The following FAT1 variants were observed in gnomAD, a reference collection of about 807,000 sequenced individuals.
The protein encoded by FAT1 is FAT atypical cadherin 1.
A neutral mutation model predicts 329.8 loss-of-function variants in FAT1; 171 were observed. The observed-to-expected ratio is 0.52, with a 90% CI of 0.46 to 0.59. The LOEUF is 0.59. FAT1 is among the 20% of genes least tolerant of loss of function. The probability of loss-of-function intolerance (pLI) is 0.00; values close to 1 mark genes in which losing one functional copy is unlikely to be tolerated. For missense variants in FAT1, 5,672 were observed against 5,774.4 expected (o/e 0.98, Z 0.57); for synonymous variants, 2,233 against 2,228.6 (o/e 1.00, Z -0.06).
intron 2 of FAT1, among the ~76,000 whole-genome samples, chr4:186,679,109 G>A (rs558433276): frequency 2.0e-5 from 3 of 152,198 alleles, no homozygotes; most frequent in Admixed American, 1.3e-4. Flanking sequence ...GGCTGGGCAC[G>A]GTGGCTCACG....
intron 2 of FAT1, among the ~76,000 whole-genome samples, chr4:186,706,189 C>A (rs1579481490): frequency 6.6e-6 from 1 of 152,154 alleles, no homozygotes; most frequent in East Asian, 1.9e-4. Context: ...TATGAGCCTG[C>A]AAATACACTG....
In FAT1 at chr4:186,609,911, T is replaced by C. The variant is rs762163269; in HGVS notation, c.9958A>G (p.Thr3320Ala). The C allele has an allele frequency of 1.9e-6, 3 of 1,612,982 alleles. No homozygotes were observed. In the Admixed American group the frequency reaches 5.0e-5, roughly 27 times the overall value. ...ATATCTGTTACATTAACGTTCACAG[T>C]GGCAACGTCGCTCAGTGAAGGCGTG... ...GGTPSLSDVA[T>A]VNVNVTDIND... Residue 3320 changes from threonine (T) to alanine (A), a missense_variant, in exon 15 of 27, where the codon ACT becomes GCT. By Grantham distance (58) the Thr-to-Ala change is moderately conservative. Transcript: ENST00000441802.
chr4:186,627,096 G>T (rs1740347112), intron 9 of FAT1, among the ~76,000 whole-genome samples: 1 of 124,338 alleles, frequency 8.0e-6, no homozygotes, highest in Non-Finnish European at 1.6e-5. Context: ...ATGAATGAAT[G>T]AATGAATGAA....
chr4:186,695,760 A>AACACACACACACACAC (rs34932295), intron 2 of FAT1, among the ~76,000 whole-genome samples: 8 of 141,234 alleles, frequency 5.7e-5, no homozygotes, highest in Admixed American at 1.4e-4. Flanking sequence ...TTATATATAA[A>AACACACACACACACAC]ACACACACAC....
chr4:186,647,508 T>C (rs1741435879), intron 3 of FAT1, among the ~76,000 whole-genome samples: 2 of 152,188 alleles, frequency 1.3e-5, no homozygotes. Context: ...GTATAATGAT[T>C]ATACAACAAA....
At chr4:186,624,907 TG>T (rs1236706400) in intron 9 of FAT1, among the ~76,000 whole-genome samples, 1 of 152,248 alleles carries the variant, frequency 6.6e-6, no homozygotes, top group Non-Finnish European at 1.5e-5. Flanking sequence ...TTAATGGTAG[TG>T]GTCTCCTACA....
chr4:186,588,548 C>T lies in FAT1; in HGVS notation c.*44G>A, dbSNP rs1214929612. ...AGAACAGCGCGGATTACTCACATCA[C>T]CTCTAGGTTCACTAAAGTCAGGCAC... is the stretch of plus-strand genomic sequence containing the variant. On this transcript the variant is annotated 3_prime_UTR_variant, in exon 27 of 27. Transcript: ENST00000441802. 1.3e-5 allele frequency: 21 copies of T among 1,577,106 alleles called. No homozygotes were observed. The highest frequency in any genetic ancestry group is 2.2e-4 in the Middle Eastern group (1 of 4,458).
At position 186,708,731 on chromosome 4, in the gene FAT1, T is replaced by C. The variant is rs373642708; in HGVS notation, c.1097A>G (p.Lys366Arg). The C allele has an allele frequency of 3.1e-5, 50 of 1,613,990 alleles. No homozygotes were observed. Among genetic ancestry groups the C allele is most frequent in the Non-Finnish European group, 4.2e-5 (49 of 1,179,886 alleles). Residue 366 changes from lysine to arginine, a missense_variant, in exon 2 of 27, where the codon AAG (lysine) becomes AGG (arginine). By Grantham distance (26) the Lys-to-Arg change is conservative. This residue lies in a region of FAT1 where 3,966 missense variants were observed against 3,915.2 expected (regional missense o/e 1.01). Transcript: ENST00000441802. ...TGCTCTGTAAACATCCTTTTCAAAC[T>C]TGACTGGCCCGGCTTTGAACTGTGG... is the stretch of plus-strand genomic sequence containing the variant. ...TSPQFKAGPV[K>R]FEKDVYRAEI...
intron 3 of FAT1, among the ~76,000 whole-genome samples, chr4:186,651,194 A>G (rs945836281): frequency 6.6e-6 from 1 of 150,584 alleles, no homozygotes; most frequent in Non-Finnish European, 1.5e-5. Context: ...CATGAGCTAC[A>G]GAAATAACAG....
intron 3 of FAT1, among the ~76,000 whole-genome samples, chr4:186,653,921 G>A (rs1741783168): frequency 1.3e-5 from 2 of 152,126 alleles, no homozygotes; most frequent in Admixed American, 1.3e-4. Context: ...TAAAAATCTA[G>A]TGTTACTTAA....
chr4:186,614,622 T>A (rs1390237920), intron 11 of FAT1, among the ~76,000 whole-genome samples: 2 of 152,222 alleles, frequency 1.3e-5, no homozygotes, highest in Non-Finnish European at 2.9e-5. Context: ...ATTAAGCTGA[T>A]TTCATATTCA....
intron 25 of FAT1, 52 bp from the exon 26 acceptor site, chr4:186,595,878 C>T (rs1738484598): frequency 6.2e-7 from 1 of 1,600,146 alleles, no homozygotes; most frequent in Non-Finnish European, 8.5e-7. Flanking sequence ...CGGTTTTGTT[C>T]ACCGCTGAAT....
chr4:186,605,216 GA>G (rs34790170), intron 17 of FAT1, among the ~76,000 whole-genome samples: 25,343 of 67,430 alleles, frequency 0.38, 3,301 homozygotes, highest in Admixed American at 0.45. Flanking sequence ...CTCCATCTCA[GA>G]AAAAAAAAAA....
At chr4:186,607,881 T>C (rs76897170) in intron 16 of FAT1, among the ~76,000 whole-genome samples, 1,804 of 152,284 alleles carry the variant, frequency 0.012, 35 homozygotes, top group African/African-American at 0.042. Flanking sequence ...CTCATGTCAC[T>C]TCTATCAACA....
intron 3 of FAT1, among the ~76,000 whole-genome samples, chr4:186,662,376 A>G (rs1314887822): frequency 6.6e-6 from 1 of 152,226 alleles, no homozygotes; most frequent in Non-Finnish European, 1.5e-5. Flanking sequence ...AACAAAGATT[A>G]GAAGTTTATA....
intron 3 of FAT1, among the ~76,000 whole-genome samples, chr4:186,641,087 C>A (rs6821037): frequency 0.43 from 66,185 of 152,176 alleles, 14,667 homozygotes; most frequent in East Asian, 0.61. Context: ...GGATATTCAA[C>A]ATGTTTCTCT....
chr4:186,590,853 T>C (rs1024854110), intron 26 of FAT1, among the ~76,000 whole-genome samples: 2 of 152,242 alleles, frequency 1.3e-5, no homozygotes, highest in African/African-American at 4.8e-5. Context: ...GGACATTAAA[T>C]TCAGAGGAAT....
chr4:186,595,322 A>T (rs1231817731), intron 26 of FAT1, among the ~76,000 whole-genome samples: 1 of 151,906 alleles, frequency 6.6e-6, no homozygotes, highest in Admixed American at 6.6e-5. Context: ...TGTGTGAGAG[A>T]GAGTGTGTGT....
Position 186,596,639 on chromosome 4 carries a change from C to T in FAT1, c.12901G>A (p.Val4301Ile), listed in dbSNP as rs1283506345. The change falls in exon 25 of 27, where the codon GTC (valine) becomes ATC (isoleucine). Residue 4301 changes from valine (V) to isoleucine (I), a missense_variant. Around this residue, in one of 2 missense-constraint regions of FAT1, gnomAD observed 1,706 missense variants for 1,859.1 expected, o/e 0.92. Coordinates refer to ENST00000441802, the MANE Select transcript of FAT1 (RefSeq NM_005245.4). This position sits in a 1 kb window ranked among gnomAD's most constrained non-coding sequence, Gnocchi z 4.7. ...SVHGHRKAVA[V>I]CSVAPNLPPP... Reference sequence around the variant, plus strand: ...GGCAGGTTTGGCGCCACGCTGCAGACCGCCACTGCTTTTCGGTGCCCGTGC... The same window carrying T: ...GGCAGGTTTGGCGCCACGCTGCAGATCGCCACTGCTTTTCGGTGCCCGTGC... The T allele has an allele frequency of 2.5e-6, 4 of 1,610,576 alleles. 1 individual carries two copies. In the South Asian group the frequency reaches 3.3e-5, roughly 13 times the overall value.
Sources: allele counts gnomAD v4.1 joint callset (sites outside exome capture counted in the v4.1 genomes callset), GRCh38; gene constraint gnomAD v4.1.1; regional missense constraint gnomAD v4.1.1; non-coding constraint Gnocchi (gnomAD v3.1); transcripts MANE v1.5; gene names NCBI Gene and HGNC (gene_info 2026-07-23, HGNC 2026-07-21).